NPPA: variants seen among roughly 807,000 people sequenced by gnomAD.
The protein encoded by NPPA is natriuretic peptides A.
In NPPA, 10 loss-of-function variants were observed where a neutral mutation model predicts 12.2. That is an observed-to-expected ratio of 0.82 (90% CI 0.50 to 1.38). NPPA has a LOEUF of 1.38. Among genes scored for constraint, NPPA ranks in the 40% most tolerant of loss-of-function variants. The pLI is 0.00. For missense variants in NPPA, 207 were observed against 193.5 expected, an observed-to-expected ratio of 1.07 and a Z score of -0.41; for synonymous variants, 85 against 80.2, an observed-to-expected ratio of 1.06 and a Z score of -0.32.
chr1:11,846,331 T>C (rs1645068236), intron 2 of NPPA, among the ~76,000 whole-genome samples: 1 of 149,920 alleles, frequency 6.7e-6, no homozygotes, highest in African/African-American at 2.5e-5. Context: ...TTTTTTTTTT[T>C]TTTTTTGAGA....
In NPPA at chr1:11,847,288, C is replaced by G; in HGVS notation, c.275G>C (p.Arg92Thr). The G allele has an allele frequency of 1.2e-6, 2 of 1,613,728 alleles. No homozygotes were observed. The highest frequency in any genetic ancestry group is 1.7e-6 in the Non-Finnish European group (2 of 1,179,806). Residue 92 changes from arginine to threonine, a missense_variant, in exon 2 of 3, where the codon AGA becomes ACA. Arg to Thr is a moderately conservative substitution (Grantham distance 71). Coordinates refer to ENST00000376480, the MANE Select transcript of NPPA (RefSeq NM_006172.4). ...GCCCCGCCCGAGGGCACCTCCATCT[C>G]TCTGGGCTGGGCTGACTTCCCCGGT... Reference protein sequence around the residue: ...PWTGEVSPAQRDGGALGRGPW... With the variant: ...PWTGEVSPAQTDGGALGRGPW...
intron 2 of NPPA, 42 bp from the exon 3 acceptor site, chr1:11,846,056 T>A: frequency 6.2e-7 from 1 of 1,612,932 alleles, no homozygotes; most frequent in Non-Finnish European, 8.5e-7. Flanking sequence ...GTGACCTGGC[T>A]GTCCTGGAAA....
chr1:11,845,937 A>C lies in NPPA; in HGVS notation c.*72T>G, dbSNP rs913225867. On this transcript the variant is annotated 3_prime_UTR_variant, in exon 3 of 3. Coordinates refer to ENST00000376480, the MANE Select transcript of NPPA (RefSeq NM_006172.4). ...ACAAGATGACACAAATGCAGCAGAGACCCCAGGGGACAGGAGCCTCTTGCA... is the reference window on the plus strand; with the variant it reads ...ACAAGATGACACAAATGCAGCAGAGCCCCCAGGGGACAGGAGCCTCTTGCA... The C allele has an allele frequency of 8.2e-6, 12 of 1,455,782 alleles. No homozygotes were observed. The highest frequency in any genetic ancestry group is 3.3e-5 in the Admixed American group (2 of 59,786). 90.2% of individuals were successfully genotyped at this position (1,455,782 alleles called of 1,614,324 possible).
rs182796367 is a variant in NPPA, at chr1:11,846,537, G to A, written c.451-523C>T. Among the ~76,000 whole-genome samples, 926 of 151,324 alleles carry A rather than the reference G, an allele frequency of 6.1e-3. 7 individuals carry two copies. Among genetic ancestry groups the A allele is most frequent in the Non-Finnish European group, 0.01 (707 of 67,856 alleles). ...GGGTTTCACCGTGTTAGCCAGGATGGTCTCCATCTCCTGACCTCGTGATCC... is the reference window on the plus strand; with the variant it reads ...GGGTTTCACCGTGTTAGCCAGGATGATCTCCATCTCCTGACCTCGTGATCC... On this transcript the variant is annotated intron_variant, in intron 2 of 2. Transcript: ENST00000376480.
rs761089549 is a variant in NPPA, at chr1:11,847,545, C to A, written c.123+17G>T. ...AAGCCCCCTGGCCCCAGACTGCACC[C>A]GCTTTCCTGGCCCTACCTTGAAATC... On this transcript the variant is annotated intron_variant, in intron 1 of 2. Transcript: ENST00000376480. The A allele has an allele frequency of 2.5e-6, 4 of 1,614,212 alleles. No individual in the cohort carries two copies. The South Asian group carries it at 4.4e-5, about 18-fold the overall frequency.
In NPPA at chr1:11,847,447, A is replaced by C. The variant is rs765349822; in HGVS notation, c.124-8T>G. On this transcript the variant is annotated splice_region_variant and splice_polypyrimidine_tract_variant and intron_variant, in intron 1 of 2. Transcript: ENST00000376480. ...CAAATGGTCCAGCAAATTCTTTAGA[A>C]AAGGAAAATACAGGGAAAGGGATAA... The C allele has an allele frequency of 6.2e-7, 1 of 1,614,118 alleles. No homozygotes were observed. The highest frequency in any genetic ancestry group is 8.5e-7 in the Non-Finnish European group (1 of 1,180,020).
chr1:11,846,917 C>CG (rs1390095747), intron 2 of NPPA, among the ~76,000 whole-genome samples, 196 bp downstream of exon 2: 2 of 147,380 alleles, frequency 1.4e-5, no homozygotes, highest in African/African-American at 2.4e-5. Flanking sequence ...CCCAGCCCCC[C>CG]CCCCTTTTTT....
intron 2 of NPPA, among the ~76,000 whole-genome samples, chr1:11,846,775 C>G (rs539427087): frequency 4.6e-5 from 7 of 151,538 alleles, no homozygotes; most frequent in Admixed American, 2.0e-4. Context: ...GCCACCACAC[C>G]CAGCTAATTT....
rs1324412137 is a variant in NPPA at position 11,847,368 on chromosome 1, C to T, written c.195G>A (p.Glu65=). Residue 65 remains glutamate (E), a synonymous_variant, in exon 2 of 3, where the codon GAG becomes GAA. Transcript: ENST00000376480. The part of the protein sequence containing the change: ...DEVVPPQVLS[E]PNEEAGAALS... The stretch of plus-strand genomic sequence containing the variant: ...GAGCAGCCCCCGCTTCTTCATTCGG[C>T]TCACTGAGCACTTGTGGGGGCACGA... 5.0e-6 allele frequency: 8 copies of T among 1,613,842 alleles called. No individual in the cohort carries two copies. Among genetic ancestry groups the T allele is most frequent in the East Asian group, 4.5e-5 (2 of 44,896 alleles).
Position 11,845,857 on chromosome 1 carries a change from G to A in NPPA, c.*152C>T. On this transcript the variant is annotated 3_prime_UTR_variant, in exon 3 of 3. Coordinates refer to ENST00000376480, the MANE Select transcript of NPPA (RefSeq NM_006172.4). ...TTTATCTACAGTTAGCATAAGATGTGAGAAGTGTTGACAGGAAGCTGCAGC... is the reference window on the plus strand; with the variant it reads ...TTTATCTACAGTTAGCATAAGATGTAAGAAGTGTTGACAGGAAGCTGCAGC... 1 of 781,656 alleles carries A rather than the reference G, an allele frequency of 1.3e-6. No homozygotes were observed. The highest frequency in any genetic ancestry group is 2.3e-6 in the Non-Finnish European group (1 of 432,992). 48.4% of individuals were successfully genotyped at this position (781,656 alleles called of 1,614,324 possible).
In NPPA at chr1:11,847,271, C is replaced by G; in HGVS notation, c.292G>C (p.Gly98Arg). ...SPAQRDGGALGRGPWDSSDRS... is the reference protein window; with the variant it reads ...SPAQRDGGALRRGPWDSSDRS... Reference sequence around the variant, plus strand: ...TCAGAGGAGTCCCAGGGGCCCCGCCCGAGGGCACCTCCATCTCTCTGGGCT... The same window carrying G: ...TCAGAGGAGTCCCAGGGGCCCCGCCGGAGGGCACCTCCATCTCTCTGGGCT... Residue 98 changes from glycine (G) to arginine (R), a missense_variant, in exon 2 of 3, where the codon GGG becomes CGG. Physicochemically the swap from Gly to Arg is moderately radical, Grantham distance 125 (BLOSUM62 -2). Transcript: ENST00000376480. The G allele has an allele frequency of 6.2e-7, 1 of 1,613,626 alleles. No individual in the cohort carries two copies. The highest frequency in any genetic ancestry group is 1.3e-5 in the African/African-American group (1 of 75,038).
intron 2 of NPPA, among the ~76,000 whole-genome samples, chr1:11,846,584 C>T (rs198365): frequency 0.2 from 28,426 of 145,156 alleles, 3,942 homozygotes; most frequent in African/African-American, 0.39. Context: ...CCTCCCAAAG[C>T]GCTGGGATTA....
At position 11,847,585 on chromosome 1, in the gene NPPA, T is replaced by C; in HGVS notation, c.100A>G (p.Asn34Asp). 6.2e-7 allele frequency: 1 copy of C among 1,614,154 alleles called. No homozygotes were observed. The highest frequency in any genetic ancestry group is 1.1e-5 in the South Asian group (1 of 91,078). The change falls in exon 1 of 3, where the codon AAC becomes GAC. Residue 34 changes from asparagine (N) to aspartate (D), a missense_variant. By Grantham distance (23) the Asn-to-Asp change is conservative (BLOSUM62 1). Coordinates refer to ENST00000376480, the MANE Select transcript of NPPA (RefSeq NM_006172.4). ...RANPMYNAVS[N>D]ADLMDFKNLL... ...ACCTTGAAATCCATCAGGTCTGCGT[T>C]GGACACGGCATTGTACATGGGATTA...
Position 11,847,236 on chromosome 1 carries a change from G to A in NPPA, c.327C>T (p.Ala109=), listed in dbSNP as rs749463507. Residue 109 remains alanine, a synonymous_variant, in exon 2 of 3, where the codon GCC becomes GCT. Transcript: ENST00000376480. ...GCGCCCTCAGCTTGCTTTTTAGGAG[G>A]GCAGATCGATCAGAGGAGTCCCAGG... ...RGPWDSSDRS[A]LLKSKLRALL... is the part of the protein sequence containing the mutation. The A allele has an allele frequency of 1.9e-6, 3 of 1,612,946 alleles. No individual in the cohort carries two copies. The highest frequency in any genetic ancestry group is 2.7e-5 in the African/African-American group (2 of 74,886).
chr1:11,847,243 C>T lies in NPPA; in HGVS notation c.320G>A (p.Arg107Gln), dbSNP rs369737600. Residue 107 changes from arginine to glutamine, a missense_variant, in exon 2 of 3, where the codon CGA (arginine) becomes CAA (glutamine). By Grantham distance (43) the Arg-to-Gln change is conservative. Coordinates refer to ENST00000376480, the MANE Select transcript of NPPA (RefSeq NM_006172.4). ...CAGCTTGCTTTTTAGGAGGGCAGAT[C>T]GATCAGAGGAGTCCCAGGGGCCCCG... ...LGRGPWDSSD[R>Q]SALLKSKLRA... is the part of the protein sequence containing the mutation. 9 of 1,612,914 alleles carry T rather than the reference C, an allele frequency of 5.6e-6. No homozygotes were observed. The highest frequency in any genetic ancestry group is 6.8e-6 in the Non-Finnish European group (8 of 1,179,194).
At chr1:11,846,619 C>CT (rs70987207) in intron 2 of NPPA, among the ~76,000 whole-genome samples, 1,272 of 111,626 alleles carry the variant, frequency 0.011, 104 homozygotes, top group Middle Eastern at 0.019. Flanking sequence ...CGTGCCTGGC[C>CT]TTTTTTTTTT....
At chr1:11,846,961 C>T in intron 2 of NPPA, 152 bp downstream of exon 2, 1 of 371,742 alleles carries the variant, frequency 2.7e-6, no homozygotes, top group Non-Finnish European at 4.8e-6. Context: ...TAGCTAAGGA[C>T]AATAGATGGC....
In NPPA at chr1:11,845,894, G is replaced by T; in HGVS notation, c.*115C>A. The T allele has an allele frequency of 9.8e-7, 1 of 1,021,452 alleles. No homozygotes were observed. The highest frequency in any genetic ancestry group is 1.3e-5 in the South Asian group (1 of 79,110). 63.3% of individuals were successfully genotyped at this position (1,021,452 alleles called of 1,614,324 possible). A position where few individuals can be genotyped will look rare whatever the true frequency, so the allele number is the denominator to read the frequency against. On this transcript the variant is annotated 3_prime_UTR_variant, in exon 3 of 3. Transcript: ENST00000376480. ...CAGGAAGCTGCAGCTTAGATGGGAT[G>T]ATCACAACTCCATGGCAACAAGATG...
intron 2 of NPPA, among the ~76,000 whole-genome samples, 197 bp from the exon 3 acceptor site, chr1:11,846,211 C>A (rs1570551176): frequency 1.3e-5 from 2 of 152,110 alleles, no homozygotes; most frequent in Admixed American, 1.3e-4. Context: ...TTCACTTAAG[C>A]CCTTCAGGAT....
Sources: gnomAD v4.1 joint callset for allele counts (sites outside exome capture counted in the v4.1 genomes callset) on GRCh38, gnomAD v4.1.1 for gene constraint, MANE v1.5 for transcripts, NCBI Gene and HGNC (gene_info 2026-07-23, HGNC 2026-07-21) for gene names.